The following SLC9A4 variants were observed in gnomAD, a reference collection of about 807,000 sequenced individuals.
SLC9A4 encodes sodium/hydrogen exchanger 4.
SLC9A4 carries 63 observed loss-of-function variants against 67.4 expected under a neutral mutation model. That is an observed-to-expected ratio of 0.93 (90% CI 0.76 to 1.15). The LOEUF (loss-of-function observed/expected upper bound fraction) is 1.15. Among genes scored for constraint, SLC9A4 ranks in the 50% most tolerant of loss-of-function variants. The pLI, the probability that SLC9A4 is intolerant of heterozygous loss-of-function variation, is 0.00. For synonymous variants in SLC9A4, 393 were observed against 367.2 expected, an observed-to-expected ratio of 1.07 and a Z score of -0.80; for missense variants, 1,089 against 987.7, an observed-to-expected ratio of 1.10 and a Z score of -1.38.
intron 1 of SLC9A4, among the ~76,000 whole-genome samples, chr2:102,476,810 G>T (rs1573323506): frequency 6.6e-6 from 1 of 152,064 alleles, no homozygotes; most frequent in Middle Eastern, 3.4e-3. Flanking sequence ...TGAAGAAGGA[G>T]GAGGAGAAAT....
rs72991873 is a variant in SLC9A4 at position 102,486,741 on chromosome 2, G to C, written c.720+7439G>C. 8.8e-4 allele frequency among the ~76,000 whole-genome samples: 134 copies of C among 152,260 alleles called. 1 individual carries two copies. Among genetic ancestry groups the C allele is most frequent in the African/African-American group, 2.8e-3 (115 of 41,542 alleles). On this transcript the variant is annotated intron_variant, in intron 2 of 11. Transcript: ENST00000295269. ...TGAGAATGATTAATCTGACTTCAAA[G>C]GGTGATTGTGAGGATGTTGTGAAAT...
At position 102,479,268 on chromosome 2, in the gene SLC9A4, T is replaced by C. The variant is rs1412855803; in HGVS notation, c.686T>C (p.Phe229Ser). Reference protein sequence around the residue: ...RVNEQLYMMIFGEALLNDGIT... With the variant: ...RVNEQLYMMISGEALLNDGIT... ...AACGAGCAGCTCTACATGATGATCT[T>C]TGGGGAGGCCCTGCTCAATGATGGC... The change falls in exon 2 of 12, where the codon TTT becomes TCT. Residue 229 changes from phenylalanine to serine, a missense_variant. Transcript: ENST00000295269. 8.1e-6 allele frequency: 13 copies of C among 1,613,222 alleles called. No individual in the cohort carries two copies. Among genetic ancestry groups the C allele is most frequent in the Non-Finnish European group, 1.1e-5 (13 of 1,179,642 alleles).
intron 9 of SLC9A4, 52 bp from the exon 10 acceptor site, chr2:102,524,972 G>A: frequency 5.0e-6 from 8 of 1,606,856 alleles, no homozygotes; most frequent in Non-Finnish European, 6.8e-6. Flanking sequence ...TTCCTTGGCT[G>A]AAAGTTGTAT....
chr2:102,520,881 A>G (rs186178503), intron 9 of SLC9A4, among the ~76,000 whole-genome samples: 54 of 152,298 alleles, frequency 3.5e-4, no homozygotes, highest in Admixed American at 1.1e-3. Flanking sequence ...GGACTTATAT[A>G]ATCCAATGAA....
Position 102,478,919 on chromosome 2 carries a change from A to T in SLC9A4, c.337A>T (p.Ile113Phe). Reference protein sequence around the residue: ...LILVGALVGGIIFGTDHKSPP... With the variant: ...LILVGALVGGFIFGTDHKSPP... ...CCTGGTGGGGGCGCTGGTGGGCGGC[A>T]TCATCTTCGGCACCGACCACAAATC... Residue 113 changes from isoleucine (I) to phenylalanine (F), a missense_variant, in exon 2 of 12, where the codon ATC becomes TTC. Physicochemically the swap from Ile to Phe is conservative, Grantham distance 21. Transcript: ENST00000295269. 1 of 1,614,082 alleles carries T rather than the reference A, an allele frequency of 6.2e-7. No homozygotes were observed.
At chr2:102,511,549 AT>A (rs1156372616) in intron 6 of SLC9A4, among the ~76,000 whole-genome samples, 1 of 152,014 alleles carries the variant, frequency 6.6e-6, no homozygotes, top group Non-Finnish European at 1.5e-5. Context: ...GACTTCAATA[AT>A]TTCAAATTTA....
At chr2:102,530,995 GT>G (rs561808622) in intron 11 of SLC9A4, among the ~76,000 whole-genome samples, 6 of 146,682 alleles carry the variant, frequency 4.1e-5, no homozygotes, top group African/African-American at 1.3e-4. Flanking sequence ...TTTTTGTTTT[GT>G]TTTTTTAGGA....
chr2:102,499,679 C>T (rs1684882786), intron 2 of SLC9A4, among the ~76,000 whole-genome samples: 3 of 152,152 alleles, frequency 2.0e-5, no homozygotes, highest in Admixed American at 2.0e-4. Flanking sequence ...TCCTCTCCTC[C>T]CAGAAAATAC....
In SLC9A4 at chr2:102,473,875, A is replaced by G; in HGVS notation, c.116A>G (p.Gln39Arg). 7.4e-6 allele frequency: 12 copies of G among 1,614,140 alleles called. No individual in the cohort carries two copies. The highest frequency in any genetic ancestry group is 1.0e-5 in the Non-Finnish European group (12 of 1,179,964). Residue 39 changes from glutamine (Q) to arginine (R), a missense_variant, in exon 1 of 12, where the codon CAG becomes CGG. Coordinates refer to ENST00000295269, the MANE Select transcript of SLC9A4 (RefSeq NM_001011552.4). ...DLNESANSTAQYASNAWFAAA... is the reference protein window; with the variant it reads ...DLNESANSTARYASNAWFAAA... The stretch of plus-strand genomic sequence containing the variant: ...AATGAATCTGCAAATTCCACTGCTC[A>G]GTATGCATCTAACGCTTGGTTTGCT...
chr2:102,473,750 G>T lies in SLC9A4; in HGVS notation c.-10G>T. ...CCACACAGGGGTGTAGGTAGGAGAA[G>T]CCCACAGGAATGGCTCTGCAGATGT... is the stretch of plus-strand genomic sequence containing the variant. On this transcript the variant is annotated 5_prime_UTR_variant, in exon 1 of 12. Transcript: ENST00000295269. 1.2e-6 allele frequency: 2 copies of T among 1,613,224 alleles called. No homozygotes were observed. The highest frequency in any genetic ancestry group is 8.5e-7 in the Non-Finnish European group (1 of 1,179,686).
chr2:102,504,457 A>T (rs1357964601), intron 3 of SLC9A4, among the ~76,000 whole-genome samples: 1 of 152,228 alleles, frequency 6.6e-6, no homozygotes, highest in Non-Finnish European at 1.5e-5. Flanking sequence ...ATGGGATAAG[A>T]CTAGAAATCT....
intron 6 of SLC9A4, among the ~76,000 whole-genome samples, chr2:102,509,663 C>A (rs1010874123): frequency 6.6e-6 from 1 of 152,140 alleles, no homozygotes; most frequent in Non-Finnish European, 1.5e-5. Flanking sequence ...TCAAAAATCC[C>A]AAATCTCAAT....
chr2:102,476,650 A>C (rs1684339199), intron 1 of SLC9A4, among the ~76,000 whole-genome samples: 1 of 152,166 alleles, frequency 6.6e-6, no homozygotes, highest in Non-Finnish European at 1.5e-5. Flanking sequence ...GTTTGGTTAA[A>C]ATAAGCACTA....
chr2:102,522,029 A>T (rs1685431345), intron 9 of SLC9A4, among the ~76,000 whole-genome samples: 1 of 152,142 alleles, frequency 6.6e-6, no homozygotes, highest in Non-Finnish European at 1.5e-5. Flanking sequence ...ATGGGTGGAA[A>T]ACTTAAGGGA....
chr2:102,491,317 C>CTTATTTTT (rs1684693395), intron 2 of SLC9A4, among the ~76,000 whole-genome samples: 1 of 45,740 alleles, frequency 2.2e-5, no homozygotes, highest in Non-Finnish European at 4.1e-5. Context: ...TGTACTAATG[C>CTTATTTTT]TTTTTTTTTT....
At chr2:102,495,021 G>A (rs559861911) in intron 2 of SLC9A4, among the ~76,000 whole-genome samples, 7 of 151,960 alleles carry the variant, frequency 4.6e-5, no homozygotes, top group South Asian at 4.1e-4. Context: ...CCCAACTACC[G>A]CAAACTCAAC....
At chr2:102,505,999 A>G (rs1208511028) in intron 4 of SLC9A4, among the ~76,000 whole-genome samples, 1 of 152,184 alleles carries the variant, frequency 6.6e-6, no homozygotes, top group Non-Finnish European at 1.5e-5. Flanking sequence ...CCCCCTAAAT[A>G]GTATAGGTGG....
intron 10 of SLC9A4, 95 bp downstream of exon 10, chr2:102,525,250 A>G: frequency 6.4e-7 from 1 of 1,552,614 alleles, no homozygotes; most frequent in Non-Finnish European, 8.7e-7. Flanking sequence ...ATGCATGACC[A>G]TCGATGCTTA....
At chr2:102,475,003 C>T (rs1684297029) in intron 1 of SLC9A4, among the ~76,000 whole-genome samples, 1 of 152,160 alleles carries the variant, frequency 6.6e-6, no homozygotes, top group South Asian at 2.1e-4. Context: ...TTAGCTCCCT[C>T]CCTGTGGGTG....
Sources: allele counts gnomAD v4.1 joint callset (sites outside exome capture counted in the v4.1 genomes callset), GRCh38; gene constraint gnomAD v4.1.1; transcripts MANE v1.5; gene names NCBI Gene and HGNC (gene_info 2026-07-23, HGNC 2026-07-21).